FRMD6: variants seen among roughly 807,000 people sequenced by gnomAD.
The protein encoded by FRMD6 is FERM domain containing 6.
FRMD6 carries 37 observed loss-of-function variants against 73.2 expected under a neutral mutation model. The observed-to-expected ratio is 0.51, with a 90% confidence interval of 0.39 to 0.66. The LOEUF is 0.66. FRMD6 is among the 30% of genes least tolerant of loss of function. The probability of loss-of-function intolerance (pLI) is 0.00; values close to 1 mark genes in which losing one functional copy is unlikely to be tolerated. For missense variants in FRMD6, 714 were observed against 780.5 expected, an observed-to-expected ratio of 0.91 and a Z score of 1.02; for synonymous variants, 273 against 282.2, an observed-to-expected ratio of 0.97 and a Z score of 0.33.
At chr14:51,665,463 G>A (rs1893513714) in intron 1 of FRMD6, among the ~76,000 whole-genome samples, 1 of 152,018 alleles carries the variant, frequency 6.6e-6, no homozygotes, top group Admixed American at 6.6e-5. Context: ...CCATTGTCCT[G>A]TCTAATGCGT....
intron 10 of FRMD6, among the ~76,000 whole-genome samples, chr14:51,715,729 T>A (rs1162237930): frequency 6.6e-6 from 1 of 152,236 alleles, no homozygotes; most frequent in South Asian, 2.1e-4. Flanking sequence ...TGCATTTAGC[T>A]ATCTCTCAAG....
At chr14:51,429,640 TAA>T in the FRMD6 span, among the ~76,000 whole-genome samples, 1 of 152,192 alleles carries the variant, frequency 6.6e-6, no homozygotes. Flanking sequence ...CGTGGGCTTT[TAA>T]AAGAGACCAA....
At chr14:51,637,691 T>C (rs983946599) in intron 2 of FRMD6, 3 of 152,210 alleles carry the variant, frequency 2.0e-5, no homozygotes, top group African/African-American at 4.8e-5. Context: ...GAAAAACATT[T>C]TCCCCAGTTA....
chr14:51,678,785 T>G (rs1594717139), intron 1 of FRMD6, among the ~76,000 whole-genome samples: 1 of 140,664 alleles, frequency 7.1e-6, no homozygotes, highest in Non-Finnish European at 1.5e-5. Context: ...ACCAGCATCT[T>G]GAGTTTCCAG....
intron 1 of FRMD6, among the ~76,000 whole-genome samples, chr14:51,497,251 T>G (rs907754370): frequency 3.6e-4 from 55 of 152,094 alleles, no homozygotes; most frequent in Admixed American, 3.1e-3. Context: ...TTTTTTTTTT[T>G]TAAGAAACAA....
At chr14:51,582,091 TA>T (rs1888758532) in intron 2 of FRMD6, among the ~76,000 whole-genome samples, 2 of 152,240 alleles carry the variant, frequency 1.3e-5, no homozygotes, top group South Asian at 4.1e-4. Flanking sequence ...TAGGGCTCAA[TA>T]AGTATTTGTG....
chr14:51,574,662 G>A (rs1159017665), intron 2 of FRMD6, among the ~76,000 whole-genome samples: 5 of 152,172 alleles, frequency 3.3e-5, no homozygotes, highest in Non-Finnish European at 7.3e-5. Flanking sequence ...ATGGTTACCA[G>A]AGGTTGGGAA....
intron 1 of FRMD6, among the ~76,000 whole-genome samples, chr14:51,536,789 G>A (rs1885921311): frequency 6.6e-6 from 1 of 152,212 alleles, no homozygotes; most frequent in African/African-American, 2.4e-5. Context: ...AACCAGCTGA[G>A]CAGTTTTAGG....
At chr14:51,470,143 T>G in the FRMD6 span, among the ~76,000 whole-genome samples, 3 of 152,218 alleles carry the variant, frequency 2.0e-5, no homozygotes, top group Admixed American at 6.5e-5. Flanking sequence ...TTTTCATTCC[T>G]TAGTGATTTG....
chr14:51,681,486 G>T (rs557276281), intron 1 of FRMD6, among the ~76,000 whole-genome samples: 2 of 152,266 alleles, frequency 1.3e-5, no homozygotes, highest in South Asian at 4.1e-4. Context: ...ATTCAAAGGT[G>T]AGCAAAATTG....
At chr14:51,630,951 G>A (rs1443795210) in intron 2 of FRMD6, among the ~76,000 whole-genome samples, 1 of 152,000 alleles carries the variant, frequency 6.6e-6, no homozygotes, top group Non-Finnish European at 1.5e-5. Context: ...TTCAAACCCT[G>A]AGGACCAAGA....
the FRMD6 span, among the ~76,000 whole-genome samples, chr14:51,423,638 C>T: frequency 6.6e-6 from 1 of 152,172 alleles, no homozygotes; most frequent in African/African-American, 2.4e-5. Context: ...CTGTCCTGCT[C>T]CCATGTGCCA....
At chr14:51,636,758 T>C (rs1891584927) in intron 2 of FRMD6, among the ~76,000 whole-genome samples, 1 of 152,018 alleles carries the variant, frequency 6.6e-6, no homozygotes, top group Admixed American at 6.6e-5. Context: ...GCCACGGAGT[T>C]GTTGTTTATA....
intron 10 of FRMD6, among the ~76,000 whole-genome samples, chr14:51,716,078 G>A (rs1236383821): frequency 2.0e-5 from 3 of 152,182 alleles, no homozygotes; most frequent in African/African-American, 4.8e-5. Flanking sequence ...AGATGCAGAT[G>A]AAATAAAGCA....
upstream of FRMD6, among the ~76,000 whole-genome samples, chr14:51,647,256 CTT>C (rs1892118178): frequency 6.6e-6 from 1 of 151,870 alleles, no homozygotes; most frequent in African/African-American, 2.4e-5. Flanking sequence ...AGTAAATCTT[CTT>C]GAGTTAGATT....
intron 1 of FRMD6, among the ~76,000 whole-genome samples, chr14:51,688,958 TGA>T (rs1171731176): frequency 6.6e-6 from 1 of 152,196 alleles, no homozygotes; most frequent in African/African-American, 2.4e-5. Context: ...TAATTAGATA[TGA>T]GAGGCATCCA....
intron 2 of FRMD6, among the ~76,000 whole-genome samples, chr14:51,593,073 A>G (rs1889488947): frequency 6.6e-6 from 1 of 152,176 alleles, no homozygotes; most frequent in South Asian, 2.1e-4. Context: ...TGCCTTTCGT[A>G]GTTTTTACCT....
At chr14:51,711,458 T>G in intron 7 of FRMD6, 73 bp from the exon 8 acceptor site, 1 of 949,848 alleles carries the variant, frequency 1.1e-6, no homozygotes, top group Non-Finnish European at 1.6e-6. Context: ...AAATGTTTCT[T>G]TGGTGCTAAA....
chr14:51,656,169 A>G (rs775521941), intron 1 of FRMD6, among the ~76,000 whole-genome samples: 1 of 152,226 alleles, frequency 6.6e-6, no homozygotes, highest in Non-Finnish European at 1.5e-5. Flanking sequence ...GTGTATGATC[A>G]CTTTTTGTAT....
Sources: gnomAD v4.1 joint callset for allele counts (sites outside exome capture counted in the v4.1 genomes callset) on GRCh38, gnomAD v4.1.1 for gene constraint, MANE v1.5 for transcripts, NCBI Gene and HGNC (gene_info 2026-07-23, HGNC 2026-07-21) for gene names.